The following KALRN variants were observed in gnomAD, a reference collection of about 807,000 sequenced individuals.
KALRN encodes kalirin RhoGEF kinase.
In KALRN, 70 loss-of-function variants were observed where a neutral mutation model predicts 353.7. That is an observed-to-expected ratio of 0.20 (90% CI 0.16 to 0.24). The LOEUF is 0.24. KALRN is among the 10% of genes least tolerant of loss of function. The pLI, the probability that KALRN is intolerant of heterozygous loss-of-function variation, is 1.00. For synonymous variants in KALRN, 1,391 were observed against 1,434.8 expected (o/e 0.97, Z 0.69); for missense variants, 2,791 against 3,756.7 (o/e 0.74, Z 6.72).
chr3:124,637,146 C>A, intron 36 of KALRN, 62 bp from the exon 37 acceptor site: 1 of 1,325,774 alleles, frequency 7.5e-7, no homozygotes, highest in Non-Finnish European at 1.1e-6. Flanking sequence ...TGTTTTATTT[C>A]CTGATCACTG....
At chr3:124,287,165 C>T (rs2075987970) in intron 5 of KALRN, among the ~76,000 whole-genome samples, 1 of 152,128 alleles carries the variant, frequency 6.6e-6, no homozygotes, top group Non-Finnish European at 1.5e-5. Flanking sequence ...ATGAAAGCCT[C>T]TCTACTCTGT....
At chr3:124,456,905 C>G (rs1289899468) in intron 23 of KALRN, among the ~76,000 whole-genome samples, 177 bp downstream of exon 23, 1 of 152,298 alleles carries the variant, frequency 6.6e-6, no homozygotes, top group Middle Eastern at 3.4e-3. Flanking sequence ...TGAAGTCTCT[C>G]CAGTCTGTCC....
chr3:124,632,735 A>G (rs1291238826), intron 35 of KALRN, 32 bp downstream of exon 35: 1 of 1,596,044 alleles, frequency 6.3e-7, no homozygotes, highest in Non-Finnish European at 8.6e-7. Context: ...GTTGTCCATC[A>G]GGAGGGCCTT....
intron 1 of KALRN, among the ~76,000 whole-genome samples, chr3:124,130,740 C>T (rs1432670859): frequency 6.6e-6 from 1 of 152,014 alleles, no homozygotes; most frequent in Non-Finnish European, 1.5e-5. Flanking sequence ...ATGTTGTTTC[C>T]AACAACAGTA....
chr3:124,289,715 C>A (rs1343529825), intron 5 of KALRN, among the ~76,000 whole-genome samples: 1 of 152,164 alleles, frequency 6.6e-6, no homozygotes, highest in Non-Finnish European at 1.5e-5. Flanking sequence ...TCATCACTTA[C>A]AAGCTGTGGG....
intron 9 of KALRN, among the ~76,000 whole-genome samples, chr3:124,342,045 A>G (rs554993876): frequency 6.6e-6 from 1 of 152,198 alleles, no homozygotes; most frequent in South Asian, 2.1e-4. Context: ...AGGGCCAGGT[A>G]TAGGGGACTT....
At chr3:124,477,423 T>C (rs1451688768) in intron 27 of KALRN, 89 bp downstream of exon 27, 8 of 1,019,426 alleles carry the variant, frequency 7.8e-6, no homozygotes, top group Non-Finnish European at 1.2e-5. Flanking sequence ...TTAGCTATCC[T>C]TTTTTCCTAA....
At chr3:124,354,409 T>C (rs927047926) in intron 10 of KALRN, among the ~76,000 whole-genome samples, 20 of 152,166 alleles carry the variant, frequency 1.3e-4, no homozygotes, top group African/African-American at 4.6e-4. Flanking sequence ...TGGCAAGGGA[T>C]GGAGTGCATC....
intron 1 of KALRN, among the ~76,000 whole-genome samples, chr3:124,060,704 T>C (rs1373739019): frequency 6.6e-6 from 1 of 152,224 alleles, no homozygotes; most frequent in East Asian, 1.9e-4. Context: ...GCTAGCTACC[T>C]GGATTGTGGG....
chr3:124,316,649 C>T (rs1248508877), intron 6 of KALRN, among the ~76,000 whole-genome samples: 1 of 152,232 alleles, frequency 6.6e-6, no homozygotes, highest in East Asian at 1.9e-4. Flanking sequence ...CCCGGCTTCT[C>T]TATTTTATGT....
At position 124,398,817 on chromosome 3, in the gene KALRN, G is replaced by A. The variant is rs370888975; in HGVS notation, c.2292G>A (p.Lys764=). Residue 764 remains lysine (K), a synonymous_variant, in exon 13 of 60, where the codon AAG becomes AAA. Coordinates refer to ENST00000682506, the MANE Select transcript of KALRN (RefSeq NM_001388419.1). ...VQMEELFHER[K]IKLDIFLQLR... is the part of the protein sequence containing the mutation. Reference sequence around the variant, plus strand: ...TGGAGGAGCTGTTCCACGAGCGGAAGATCAAGCTGGACATCTTCCTGCAAC... The same window carrying A: ...TGGAGGAGCTGTTCCACGAGCGGAAAATCAAGCTGGACATCTTCCTGCAAC... 16 of 1,614,044 alleles carry A rather than the reference G, an allele frequency of 9.9e-6. No homozygotes were observed. The African/African-American group carries it at 2.1e-4, about 22-fold the overall frequency.
intron 17 of KALRN, among the ~76,000 whole-genome samples, chr3:124,434,988 G>A (rs1045830099): frequency 6.6e-6 from 1 of 152,178 alleles, no homozygotes; most frequent in Admixed American, 6.5e-5. Flanking sequence ...CATGTCTCTT[G>A]TCCTCCTTGA....
intron 2 of KALRN, among the ~76,000 whole-genome samples, chr3:124,232,578 C>G (rs1157984700): frequency 6.6e-6 from 1 of 152,196 alleles, no homozygotes; most frequent in African/African-American, 2.4e-5. Flanking sequence ...TGTCCCTACC[C>G]TTCCCAGCAT....
At chr3:124,515,131 A>G (rs549379732) in intron 33 of KALRN, among the ~76,000 whole-genome samples, 1 of 152,356 alleles carries the variant, frequency 6.6e-6, no homozygotes, top group South Asian at 2.1e-4. Flanking sequence ...TATAATAAAC[A>G]TGTTCTCCTT....
At chr3:124,132,768 C>T (rs2065452820) in intron 1 of KALRN, among the ~76,000 whole-genome samples, 1 of 152,276 alleles carries the variant, frequency 6.6e-6, no homozygotes, top group Admixed American at 6.5e-5. Context: ...TCTCACATTC[C>T]AAGTTCTTTC....
intron 1 of KALRN, among the ~76,000 whole-genome samples, chr3:124,142,166 G>A (rs2066706669): frequency 6.6e-6 from 1 of 152,162 alleles, no homozygotes; most frequent in Non-Finnish European, 1.5e-5. Flanking sequence ...CATGTACAGT[G>A]TCAGAGACAT....
chr3:124,153,668 T>G (rs1277902536), intron 1 of KALRN, among the ~76,000 whole-genome samples: 1 of 151,594 alleles, frequency 6.6e-6, no homozygotes, highest in Non-Finnish European at 1.5e-5. Flanking sequence ...GTATTTCTAG[T>G]TCTAGATCCC....
chr3:124,043,018 G>T (rs935418061), intron 1 of KALRN, among the ~76,000 whole-genome samples: 4 of 152,204 alleles, frequency 2.6e-5, no homozygotes, highest in African/African-American at 9.7e-5. Flanking sequence ...AGAAGGGCTG[G>T]AGGAGAACCA....
intron 10 of KALRN, among the ~76,000 whole-genome samples, chr3:124,358,908 T>G (rs1264390202): frequency 1.3e-5 from 2 of 152,250 alleles, no homozygotes; most frequent in East Asian, 3.9e-4. Context: ...GTCTCTTGAT[T>G]CAAAAGAACC....
Sources: gnomAD v4.1 joint callset for allele counts (sites outside exome capture counted in the v4.1 genomes callset) on GRCh38, gnomAD v4.1.1 for gene constraint, MANE v1.5 for transcripts, NCBI Gene and HGNC (gene_info 2026-07-23, HGNC 2026-07-21) for gene names.